OTUD7B: variants seen among roughly 807,000 people sequenced by gnomAD.
OTUD7B encodes OTU domain-containing protein 7B.
Under a neutral mutation model 82.2 loss-of-function variants are expected in OTUD7B, and 34 were observed. The observed-to-expected ratio is 0.41, with a 90% confidence interval of 0.31 to 0.55. OTUD7B has a LOEUF of 0.55. Ranked by LOEUF, OTUD7B falls within the 20% of genes least tolerant of loss-of-function variation. OTUD7B has a pLI of 0.20. For synonymous variants in OTUD7B, 398 were observed against 402.7 expected (o/e 0.99, Z 0.14); for missense variants, 944 against 1,062.1 (o/e 0.89, Z 1.55).
At chr1:150,010,916 C>T (rs1369264481), upstream of OTUD7B, among the ~76,000 whole-genome samples, 5 of 152,194 alleles carry the variant, frequency 3.3e-5, no homozygotes, top group Non-Finnish European at 7.3e-5. Context: ...GACCCGAGTC[C>T]CTAAAGCTCC....
At position 150,010,676 on chromosome 1, in the gene OTUD7B, CA is replaced by C. The variant is rs1553787159; in HGVS notation, c.-296del. 6.6e-6 allele frequency: 1 copy of C among 152,628 alleles called. No individual in the cohort carries two copies. The highest frequency in any genetic ancestry group is 1.5e-5 in the Non-Finnish European group (1 of 68,112). The allele number at this position is 152,628 out of a possible 1,614,324, so 9.5% of individuals were successfully genotyped here. A position where few individuals can be genotyped will look rare whatever the true frequency, so the allele number is the denominator to read the frequency against. On this transcript the variant is annotated 5_prime_UTR_variant, in exon 1 of 12. Coordinates refer to ENST00000581312, the MANE Select transcript of OTUD7B (RefSeq NM_020205.4). ...TGGCCTCCCCCAGTGGCTTTTTGCC[CA>C]CTCCGCACCCGGTCGCCACTCCGGC...
At chr1:150,013,920 C>CAAAAA (rs1207073066), upstream of OTUD7B, among the ~76,000 whole-genome samples, 176 of 54,598 alleles carry the variant, frequency 3.2e-3, 9 homozygotes, top group Middle Eastern at 0.017. Flanking sequence ...GACTCTGTCT[C>CAAAAA]AAAAAAAAAA....
chr1:149,947,392 T>C (rs1647837863), intron 10 of OTUD7B, 57 bp from the exon 11 acceptor site: 1 of 1,073,390 alleles, frequency 9.3e-7, no homozygotes. Context: ...AGCAATTTGA[T>C]ATAGTTGGGA....
Position 149,960,413 on chromosome 1 carries a change from T to TTTTTTTTATG in OTUD7B, c.733-618_733-617insCATAAAAAAA, listed in dbSNP as rs1366020859. On this transcript the variant is annotated intron_variant, in intron 6 of 11. Transcript: ENST00000581312. ...CCTTTTTTTCTTTTTTTTTTTTTTG[T>TTTTTTTTATG]AGACAGAGTCACCCAGGCTGGAGTG... is the stretch of plus-strand genomic sequence containing the variant. Among the ~76,000 whole-genome samples, 2 of 72,566 alleles carry TTTTTTTTATG rather than the reference T, an allele frequency of 2.8e-5. 1 individual carries two copies. Among genetic ancestry groups the TTTTTTTTATG allele is most frequent in the African/African-American group, 1.1e-4 (2 of 18,792 alleles). The allele number at this position is 72,566 out of a possible 152,430, so 47.6% of individuals were successfully genotyped here.
chr1:150,018,600 G>A, the OTUD7B span, among the ~76,000 whole-genome samples: 3,480 of 152,228 alleles, frequency 0.023, 102 homozygotes, highest in African/African-American at 0.076. Flanking sequence ...ATGTATCTAA[G>A]CACCCACTAT....
At chr1:150,038,910 C>T in the OTUD7B span, among the ~76,000 whole-genome samples, 2 of 152,220 alleles carry the variant, frequency 1.3e-5, no homozygotes, top group Non-Finnish European at 2.9e-5. Flanking sequence ...GGGAGGGAAT[C>T]TACCTTTATT....
At chr1:150,015,521 T>A (rs587656999), upstream of OTUD7B, among the ~76,000 whole-genome samples, 1 of 152,142 alleles carries the variant, frequency 6.6e-6, no homozygotes, top group South Asian at 2.1e-4. Context: ...CCTCAAGTGA[T>A]CCACCCTCCT....
At position 149,977,450 on chromosome 1, in the gene OTUD7B, C is replaced by T; in HGVS notation, c.61G>A (p.Gly21Arg). 1 of 1,614,012 alleles carries T rather than the reference C, an allele frequency of 6.2e-7. No homozygotes were observed. The highest frequency in any genetic ancestry group is 8.5e-7 in the Non-Finnish European group (1 of 1,179,878). Residue 21 changes from glycine (G) to arginine (R), a missense_variant, in exon 2 of 12, where the codon GGG (glycine) becomes AGG (arginine). By Grantham distance (125) the Gly-to-Arg change is moderately radical. Transcript: ENST00000581312. ...CCTTCTAGGAGATCTCGCGCTAGCC[C>T]TGGCTCTGCTCCTGTGGAACGGACA... ...DFVRSTGAEP[G>R]LARDLLEGKN...
intron 7 of OTUD7B, among the ~76,000 whole-genome samples, chr1:149,956,578 C>T (rs1486537679): frequency 5.3e-5 from 8 of 152,146 alleles, no homozygotes; most frequent in Non-Finnish European, 8.8e-5. Context: ...TGAATGTCGG[C>T]CTGCCTTGCT....
At chr1:149,957,987 G>A (rs587663229) in intron 7 of OTUD7B, among the ~76,000 whole-genome samples, 1 of 152,304 alleles carries the variant, frequency 6.6e-6, no homozygotes, top group Admixed American at 6.5e-5. Context: ...TGCTTCCCAG[G>A]TGAGGCAATG....
At chr1:150,063,304 T>G in the OTUD7B span, among the ~76,000 whole-genome samples, 1 of 152,002 alleles carries the variant, frequency 6.6e-6, no homozygotes, top group African/African-American at 2.4e-5. Flanking sequence ...ATACAAAAAT[T>G]AGCCAGTTTG....
At chr1:150,054,524 C>T in the OTUD7B span, 1 of 468,606 alleles carries the variant, frequency 2.1e-6, no homozygotes, top group Non-Finnish European at 4.2e-6. Context: ...GAAGAAGCTG[C>T]AGGCAGGGCA....
chr1:150,013,951 C>T (rs868927980), upstream of OTUD7B, among the ~76,000 whole-genome samples: 2,437 of 50,048 alleles, frequency 0.049, 106 homozygotes, highest in African/African-American at 0.11. Flanking sequence ...TATATATACA[C>T]ACACACACAC....
chr1:150,043,085 C>T, the OTUD7B span, among the ~76,000 whole-genome samples: 2 of 152,162 alleles, frequency 1.3e-5, no homozygotes, highest in African/African-American at 4.8e-5. Context: ...TTTGCACCAG[C>T]ATCGCCAGTG....
chr1:150,015,790 G>A, the OTUD7B span, among the ~76,000 whole-genome samples: 1 of 152,126 alleles, frequency 6.6e-6, no homozygotes, highest in Non-Finnish European at 1.5e-5. Context: ...GGGGGCGGGG[G>A]CTGAGTGGGA....
chr1:150,032,406 C>T, the OTUD7B span, among the ~76,000 whole-genome samples: 1 of 129,476 alleles, frequency 7.7e-6, no homozygotes, highest in African/African-American at 2.9e-5. Flanking sequence ...ATTGGGAGGA[C>T]TGCTTGAGCC....
upstream of OTUD7B, among the ~76,000 whole-genome samples, chr1:150,014,035 CGTATATATGTGTGT>C (rs1422648550): frequency 9.8e-6 from 1 of 102,492 alleles, no homozygotes; most frequent in Non-Finnish European, 2.0e-5. Context: ...CGTATATATA[CGTATATATGTGTGT>C]GTATATATAT....
chr1:149,943,439 T>C lies in OTUD7B; in HGVS notation c.*418A>G. On this transcript the variant is annotated 3_prime_UTR_variant, in exon 12 of 12. Transcript: ENST00000581312. Reference sequence around the variant, plus strand: ...CACTTCTCACTCCACCATGTGCTTTTTCCCAACCTAAAGAACTTTGGTTTT... The same window carrying C: ...CACTTCTCACTCCACCATGTGCTTTCTCCCAACCTAAAGAACTTTGGTTTT... 5.8e-6 allele frequency: 1 copy of C among 173,240 alleles called. No individual in the cohort carries two copies. The highest frequency in any genetic ancestry group is 1.6e-4 in the East Asian group (1 of 6,078). The allele number at this position is 173,240 out of a possible 1,614,324, so 10.7% of individuals were successfully genotyped here. A position where few individuals can be genotyped will look rare whatever the true frequency, so the allele number is the denominator to read the frequency against.
chr1:150,052,766 T>G, the OTUD7B span, among the ~76,000 whole-genome samples: 158 of 149,538 alleles, frequency 1.1e-3, no homozygotes, highest in African/African-American at 3.8e-3. Context: ...TATACTACAG[T>G]GGCCAAAACA....
Sources: gnomAD v4.1 joint callset for allele counts (sites outside exome capture counted in the v4.1 genomes callset) on GRCh38, gnomAD v4.1.1 for gene constraint, MANE v1.5 for transcripts, NCBI Gene and HGNC (gene_info 2026-07-23, HGNC 2026-07-21) for gene names.